Variants in CDC123 observed in about 807,000 individuals in gnomAD.
CDC123 encodes the protein translation initiation factor eIF2 assembly protein.
CDC123 carries 37 observed loss-of-function variants against 54.4 expected under a neutral mutation model. The observed-to-expected ratio is 0.68, with a 90% confidence interval of 0.52 to 0.89. CDC123 has a LOEUF of 0.89. Among genes scored for constraint, CDC123 ranks in the 40% least tolerant of loss-of-function variants. The pLI is 0.00. For missense variants in CDC123, 361 were observed against 412.1 expected (o/e 0.88, Z 1.07); for synonymous variants, 144 against 136.8 (o/e 1.05, Z -0.37).
chr10:12,244,077 C>G lies in CDC123; in HGVS notation c.718-2072C>G, dbSNP rs146824322. 1.2e-3 allele frequency among the ~76,000 whole-genome samples: 188 copies of G among 152,232 alleles called. 2 individuals are homozygous for G. The South Asian group carries it at 0.035, about 28-fold the overall frequency. ...AATGGGTTGTGCTGAAAACATCCTG[C>G]GAAAACATCCTGCGACAGGCCTGTG... On this transcript the variant is annotated intron_variant, in intron 10 of 12. Coordinates refer to ENST00000281141, the MANE Select transcript of CDC123 (RefSeq NM_006023.3).
chr10:12,238,506 A>T, intron 10 of CDC123, 21 bp downstream of exon 10: 1 of 1,606,014 alleles, frequency 6.2e-7, no homozygotes, highest in South Asian at 1.1e-5. Context: ...ACTCTTTCTG[A>T]TATGCTTTAA....
chr10:12,196,561 G>C (rs1041970517), intron 1 of CDC123, among the ~76,000 whole-genome samples: 15 of 152,144 alleles, frequency 9.9e-5, no homozygotes. Context: ...GATTAACCTA[G>C]TTTAGGCTTG....
intron 3 of CDC123, 21 bp from the exon 4 acceptor site, chr10:12,210,269 T>G: frequency 6.2e-7 from 1 of 1,613,714 alleles, no homozygotes; most frequent in Middle Eastern, 1.7e-4. Flanking sequence ...ATGTTTTATT[T>G]TTTTCCTCTT....
intron 10 of CDC123, among the ~76,000 whole-genome samples, chr10:12,242,900 C>T (rs1252710957): frequency 4.6e-5 from 7 of 151,866 alleles, no homozygotes; most frequent in South Asian, 4.1e-4. Flanking sequence ...TGAGATCGCG[C>T]GACTGTACTC....
At chr10:12,216,100 C>T (rs143481471) in intron 5 of CDC123, among the ~76,000 whole-genome samples, 210 of 152,274 alleles carry the variant, frequency 1.4e-3, no homozygotes, top group African/African-American at 4.8e-3. Flanking sequence ...GAAATTCATA[C>T]TCTGCCCTTT....
intron 6 of CDC123, among the ~76,000 whole-genome samples, chr10:12,221,001 C>A (rs181829829): frequency 2.9e-4 from 44 of 151,202 alleles, no homozygotes; most frequent in Admixed American, 2.2e-3. Flanking sequence ...GTTATAGATT[C>A]ATTCTTTCCA....
At chr10:12,210,970 G>A (rs927055914) in intron 4 of CDC123, among the ~76,000 whole-genome samples, 8 of 152,284 alleles carry the variant, frequency 5.3e-5, no homozygotes, top group Middle Eastern at 3.4e-3. Context: ...CCAAAGTCCT[G>A]AGATTACAGT....
intron 11 of CDC123, 141 bp downstream of exon 11, chr10:12,246,418 C>T: frequency 2.3e-6 from 2 of 870,626 alleles, no homozygotes; most frequent in Non-Finnish European, 1.7e-6. Context: ...TAATAGCTAA[C>T]CTGCCCATGG....
At chr10:12,230,867 A>T in intron 6 of CDC123, 81 bp from the exon 7 acceptor site, 2 of 1,296,268 alleles carry the variant, frequency 1.5e-6, no homozygotes, top group Non-Finnish European at 1.1e-6. Flanking sequence ...CGTTACTCTC[A>T]TGTTAAATAT....
intron 5 of CDC123, 106 bp downstream of exon 5, chr10:12,215,941 A>T (rs777961539): frequency 2.2e-5 from 14 of 622,406 alleles, no homozygotes; most frequent in Admixed American, 3.9e-5. Context: ...TAATTCTAGG[A>T]AAAATACTGT....
intron 7 of CDC123, 31 bp downstream of exon 7, chr10:12,231,027 G>A: frequency 5.2e-6 from 8 of 1,550,464 alleles, no homozygotes; most frequent in Non-Finnish European, 7.1e-6. Context: ...GATAATTGTA[G>A]ATGAAGATGT....
chr10:12,234,974 T>C (rs1277039095), intron 7 of CDC123, 74 bp from the exon 8 acceptor site: 4 of 1,018,882 alleles, frequency 3.9e-6, no homozygotes, highest in Non-Finnish European at 6.1e-6. Context: ...TAAGATACAG[T>C]GTTGACCTAA....
chr10:12,204,250 C>T (rs1419673255), intron 2 of CDC123, among the ~76,000 whole-genome samples: 2 of 152,118 alleles, frequency 1.3e-5, no homozygotes, highest in Non-Finnish European at 2.9e-5. Context: ...ACCTCCCTTC[C>T]AGGCACTAAT....
intron 10 of CDC123, among the ~76,000 whole-genome samples, chr10:12,242,208 C>T (rs1231255639): frequency 2.6e-5 from 4 of 152,168 alleles, no homozygotes; most frequent in African/African-American, 9.7e-5. Context: ...TTAAGTGGTC[C>T]GCTTTTCCTG....
intron 6 of CDC123, among the ~76,000 whole-genome samples, chr10:12,223,644 C>T (rs1169450466): frequency 6.6e-6 from 1 of 152,118 alleles, no homozygotes; most frequent in Non-Finnish European, 1.5e-5. Flanking sequence ...ATGTTTAGGG[C>T]ATAATAAATA....
At chr10:12,200,408 G>C (rs1447558252) in intron 2 of CDC123, among the ~76,000 whole-genome samples, 1 of 152,038 alleles carries the variant, frequency 6.6e-6, no homozygotes, top group East Asian at 1.9e-4. Context: ...TTACAGGCGT[G>C]AGCCACTGTG....
At chr10:12,217,052 T>C (rs1252538894) in intron 5 of CDC123, among the ~76,000 whole-genome samples, 3 of 152,188 alleles carry the variant, frequency 2.0e-5, no homozygotes, top group African/African-American at 7.2e-5. Context: ...GTAGCCAAAA[T>C]GTCGATGTTT....
intron 2 of CDC123, among the ~76,000 whole-genome samples, chr10:12,207,417 C>A (rs1222276669): frequency 6.6e-6 from 1 of 151,890 alleles, no homozygotes; most frequent in African/African-American, 2.4e-5. Flanking sequence ...TCATCTGGTC[C>A]CTTTATTGTC....
chr10:12,201,562 G>A (rs574293062), intron 2 of CDC123, among the ~76,000 whole-genome samples: 67 of 152,290 alleles, frequency 4.4e-4, no homozygotes, highest in African/African-American at 1.5e-3. Context: ...CATACAAGAA[G>A]CTTGGGAAAG....
Sources: gnomAD v4.1 joint callset for allele counts (sites outside exome capture counted in the v4.1 genomes callset) on GRCh38, gnomAD v4.1.1 for gene constraint, MANE v1.5 for transcripts, NCBI Gene and HGNC (gene_info 2026-07-23, HGNC 2026-07-21) for gene names.